Variants in LRRC4C observed in about 807,000 individuals in gnomAD.
LRRC4C encodes the protein leucine-rich repeat-containing protein 4C.
LRRC4C carries 5 observed loss-of-function variants against 33.6 expected under a neutral mutation model. The observed-to-expected ratio is 0.15, with a 90% confidence interval of 0.08 to 0.31. The LOEUF (loss-of-function observed/expected upper bound fraction) is 0.31, where lower values mean the gene tolerates loss of function less well. LRRC4C is among the 10% of genes least tolerant of loss of function. The probability of loss-of-function intolerance (pLI) is 1.00; values close to 1 mark genes in which losing one functional copy is unlikely to be tolerated. For synonymous variants in LRRC4C, 329 were observed against 302.0 expected, an observed-to-expected ratio of 1.09 and a Z score of -0.93; for missense variants, 560 against 796.7, an observed-to-expected ratio of 0.70 and a Z score of 3.58.
intron 1 of LRRC4C, among the ~76,000 whole-genome samples, chr11:40,999,677 G>T (rs1358183291): frequency 6.6e-6 from 1 of 151,802 alleles, no homozygotes; most frequent in African/African-American, 2.4e-5. Flanking sequence ...TCAAAATATT[G>T]GCTAGAAACC....
At chr11:40,239,557 T>G (rs7111650) in intron 5 of LRRC4C, among the ~76,000 whole-genome samples, 113,110 of 152,098 alleles carry the variant, frequency 0.74, 46,112 homozygotes, top group East Asian at 0.95. Flanking sequence ...AGATTCTTAA[T>G]GCAGCATTCA....
intron 1 of LRRC4C, among the ~76,000 whole-genome samples, chr11:41,437,928 T>C (rs1955487133): frequency 6.6e-6 from 1 of 151,794 alleles, no homozygotes; most frequent in African/African-American, 2.4e-5. Context: ...ATTCCAGCCA[T>C]GTGGGAGGCT....
intron 5 of LRRC4C, among the ~76,000 whole-genome samples, chr11:40,192,395 A>G (rs1165233152): frequency 6.6e-6 from 1 of 152,188 alleles, no homozygotes; most frequent in Admixed American, 6.5e-5. Flanking sequence ...AGCCAAGGGC[A>G]GCCATGAGGG....
chr11:40,440,666 A>G, intron 3 of LRRC4C, among the ~76,000 whole-genome samples: 1 of 152,164 alleles, frequency 6.6e-6, no homozygotes, highest in East Asian at 1.9e-4. Flanking sequence ...TATTCATACA[A>G]GGTAATAAAG....
intron 1 of LRRC4C, among the ~76,000 whole-genome samples, chr11:41,164,474 G>T (rs1944630827): frequency 1.3e-5 from 2 of 151,970 alleles, no homozygotes; most frequent in African/African-American, 4.8e-5. Flanking sequence ...ATAATAAAAA[G>T]AATAGAATAG....
chr11:40,969,316 A>G (rs540536973), intron 1 of LRRC4C, among the ~76,000 whole-genome samples: 15 of 152,262 alleles, frequency 9.9e-5, no homozygotes, highest in African/African-American at 3.6e-4. Context: ...CTTGAGATGA[A>G]ATGTACTCCT....
intron 2 of LRRC4C, among the ~76,000 whole-genome samples, chr11:40,762,891 A>G (rs902032114): frequency 6.6e-6 from 1 of 151,914 alleles, no homozygotes; most frequent in Non-Finnish European, 1.5e-5. Context: ...TGTATTTTAG[A>G]GATGATATGA....
In LRRC4C at chr11:41,160,952, A is replaced by T. The variant is rs1166967915; in HGVS notation, c.-495-227229T>A. Among the ~76,000 whole-genome samples, 4 of 152,312 alleles carry T rather than the reference A, an allele frequency of 2.6e-5. No homozygotes were observed. In the East Asian group the frequency reaches 5.8e-4, roughly 22 times the overall value. ...TAATTGAGATAAAAGAATTACAAGC[A>T]TATTTATTTTGGCTTTTGAGGAATG... On this transcript the variant is annotated intron_variant, in intron 1 of 6. Coordinates refer to ENST00000528697, the MANE Select transcript of LRRC4C (RefSeq NM_001258419.2).
chr11:40,250,574 T>A (rs771743276), intron 4 of LRRC4C, among the ~76,000 whole-genome samples: 8 of 151,718 alleles, frequency 5.3e-5, no homozygotes, highest in Non-Finnish European at 1.0e-4. Context: ...AACCTGCCTC[T>A]ACTAAAGATA....
intron 2 of LRRC4C, among the ~76,000 whole-genome samples, chr11:40,786,665 C>G (rs1950421054): frequency 2.6e-5 from 4 of 152,100 alleles, no homozygotes; most frequent in Admixed American, 2.6e-4. Flanking sequence ...AAATTTCTTA[C>G]TTGGTATCAT....
intron 3 of LRRC4C, among the ~76,000 whole-genome samples, chr11:40,608,767 A>G (rs1002902612): frequency 2.0e-5 from 3 of 152,186 alleles, no homozygotes; most frequent in Non-Finnish European, 4.4e-5. Flanking sequence ...AACCAAAAAA[A>G]TCATGGGTAG....
intron 1 of LRRC4C, among the ~76,000 whole-genome samples, chr11:41,297,513 T>G (rs1409222578): frequency 6.6e-6 from 1 of 152,176 alleles, no homozygotes; most frequent in Non-Finnish European, 1.5e-5. Context: ...GTGGAACAAG[T>G]AGAAGTCACC....
chr11:41,158,364 G>A (rs1404673884), intron 1 of LRRC4C, among the ~76,000 whole-genome samples: 2 of 151,970 alleles, frequency 1.3e-5, no homozygotes, highest in African/African-American at 4.8e-5. Context: ...TCATTAGATT[G>A]GTTCCAAAAA....
chr11:40,284,666 T>C (rs1943712979), intron 4 of LRRC4C, among the ~76,000 whole-genome samples: 1 of 152,190 alleles, frequency 6.6e-6, no homozygotes, highest in South Asian at 2.1e-4. Flanking sequence ...AGACCAAAGC[T>C]GACTTTAAGA....
intron 3 of LRRC4C, among the ~76,000 whole-genome samples, chr11:40,475,365 A>G (rs564431344): frequency 5.3e-5 from 8 of 152,114 alleles, no homozygotes; most frequent in Non-Finnish European, 1.0e-4. Context: ...AAAACCAAAC[A>G]CCACATATTC....
intron 4 of LRRC4C, among the ~76,000 whole-genome samples, chr11:40,264,864 A>G (rs1226211091): frequency 6.6e-6 from 1 of 152,180 alleles, no homozygotes; most frequent in African/African-American, 2.4e-5. Context: ...GAGACTTGTA[A>G]CATACACAGA....
At chr11:40,378,641 A>C (rs574084851) in intron 3 of LRRC4C, among the ~76,000 whole-genome samples, 5 of 152,234 alleles carry the variant, frequency 3.3e-5, no homozygotes, top group East Asian at 1.9e-4. Flanking sequence ...TGTATTGTTC[A>C]GTGACTGTAT....
intron 5 of LRRC4C, among the ~76,000 whole-genome samples, chr11:40,204,658 C>T (rs1863013457): frequency 6.6e-6 from 1 of 152,064 alleles, no homozygotes; most frequent in Non-Finnish European, 1.5e-5. Context: ...TGGATAAAGA[C>T]AATTGATAAA....
chr11:40,802,130 C>T (rs1951067650), intron 2 of LRRC4C, among the ~76,000 whole-genome samples: 1 of 152,212 alleles, frequency 6.6e-6, no homozygotes, highest in African/African-American at 2.4e-5. Context: ...ATTCCAGCTA[C>T]ATTCCATTGT....
Sources: gnomAD v4.1 joint callset for allele counts (sites outside exome capture counted in the v4.1 genomes callset) on GRCh38, gnomAD v4.1.1 for gene constraint, MANE v1.5 for transcripts, NCBI Gene and HGNC (gene_info 2026-07-23, HGNC 2026-07-21) for gene names.